The following VIPR1 variants were observed in gnomAD, a reference collection of about 807,000 sequenced individuals.
VIPR1 encodes the protein vasoactive intestinal polypeptide receptor 1.
Under a neutral mutation model 58.8 loss-of-function variants are expected in VIPR1, and 59 were observed. That is an observed-to-expected ratio of 1.00 (90% CI 0.81 to 1.25). The LOEUF is 1.25. Among genes scored for constraint, VIPR1 ranks in the 50% most tolerant of loss-of-function variants. The pLI, the probability that VIPR1 is intolerant of heterozygous loss-of-function variation, is 0.00. For synonymous variants in VIPR1, 251 were observed against 242.1 expected (o/e 1.04, Z -0.34); for missense variants, 626 against 602.7 (o/e 1.04, Z -0.40).
intron 1 of VIPR1, among the ~76,000 whole-genome samples, chr3:42,497,462 A>G (rs1699785413): frequency 6.6e-6 from 1 of 151,930 alleles, no homozygotes; most frequent in Non-Finnish European, 1.5e-5. Flanking sequence ...ACACACACAC[A>G]CGCACACACA....
At chr3:42,531,752 C>G (rs201226464) in intron 8 of VIPR1, 51 bp from the exon 9 acceptor site, 48 of 1,610,806 alleles carry the variant, frequency 3.0e-5, no homozygotes, top group Non-Finnish European at 4.0e-5. Context: ...GCTGCTGAGT[C>G]TCTCTCTGGC....
intron 1 of VIPR1, chr3:42,512,815 G>A (rs1430161459): frequency 1.1e-5 from 11 of 985,364 alleles, no homozygotes; most frequent in African/African-American, 1.7e-5. Context: ...AGCCAAAGAC[G>A]CAGAAGGTGC....
chr3:42,527,949 C>T (rs774275366), intron 5 of VIPR1, 42 bp from the exon 6 acceptor site: 1 of 1,600,820 alleles, frequency 6.2e-7, no homozygotes, highest in Non-Finnish European at 8.5e-7. Flanking sequence ...GGGTGGGGAT[C>T]CAAGGCCCCT....
intron 2 of VIPR1, chr3:42,516,609 G>A (rs1421080900): frequency 6.6e-6 from 1 of 152,264 alleles, no homozygotes; most frequent in Non-Finnish European, 1.5e-5. Flanking sequence ...CTGGCAGCCG[G>A]AGGTTTAGAG....
intron 5 of VIPR1, 118 bp downstream of exon 5, chr3:42,527,614 C>A: frequency 3.2e-6 from 3 of 946,544 alleles, no homozygotes; most frequent in Non-Finnish European, 4.9e-6. Context: ...CCCAGCAGCA[C>A]ATACTCCCCA....
At chr3:42,514,000 G>A in intron 2 of VIPR1, 146 bp downstream of exon 2, 3 of 884,202 alleles carry the variant, frequency 3.4e-6, no homozygotes, top group Non-Finnish European at 5.2e-6. Flanking sequence ...GAAGAAGAAA[G>A]GGGCTAACAG....
intron 6 of VIPR1, chr3:42,528,538 G>T: frequency 4.8e-6 from 1 of 207,136 alleles, no homozygotes. Context: ...CATAGCCAGG[G>T]CTCTGCTCAC....
At chr3:42,526,381 A>G (rs549589935) in intron 4 of VIPR1, among the ~76,000 whole-genome samples, 2 of 152,322 alleles carry the variant, frequency 1.3e-5, no homozygotes, top group South Asian at 2.1e-4. Flanking sequence ...CTTGGCTACC[A>G]AATAGCCAGT....
At chr3:42,517,938 T>C (rs970106246) in intron 2 of VIPR1, among the ~76,000 whole-genome samples, 15 of 152,022 alleles carry the variant, frequency 9.9e-5, no homozygotes, top group African/African-American at 3.6e-4. Context: ...ATCATGCCAT[T>C]GTACTCCAGC....
chr3:42,532,294 G>A lies in VIPR1; in HGVS notation c.971G>A (p.Arg324Gln), dbSNP rs545269544. The change falls in exon 10 of 13, where the codon CGG (arginine) becomes CAG (glutamine). Residue 324 changes from arginine to glutamine, a missense_variant. By Grantham distance (43) the Arg-to-Gln change is conservative. Coordinates refer to ENST00000325123, the MANE Select transcript of VIPR1 (RefSeq NM_004624.4). ...CIIRILLQKL[R>Q]PPDIRKSDSS... ...ATCCGAATCCTGCTTCAGAAACTGC[G>A]GCCCCCAGATATCAGGAAGAGTGAC... The A allele has an allele frequency of 1.6e-5, 26 of 1,614,044 alleles. No homozygotes were observed. Among genetic ancestry groups the A allele is most frequent in the Middle Eastern group, 1.6e-4 (1 of 6,062 alleles).
rs1327476656 is a variant in VIPR1 at position 42,502,751 on chromosome 3, C to T, written c.16C>T (p.Pro6Ser). MRPPS[P>S]LPARWLCVLA... ...AGGGCAGACCATGCGCCCGCCAAGT[C>T]CGCTGCCCGCCCGCTGGCTATGCGT... Residue 6 changes from proline (P) to serine (S), a missense_variant, in exon 1 of 13, where the codon CCG becomes TCG. By Grantham distance (74) the Pro-to-Ser change is moderately conservative (BLOSUM62 -1). Transcript: ENST00000325123. 7 of 1,308,990 alleles carry T rather than the reference C, an allele frequency of 5.3e-6. No individual in the cohort carries two copies. The highest frequency in any genetic ancestry group is 6.8e-6 in the Non-Finnish European group (7 of 1,031,944). 81.1% of individuals were successfully genotyped at this position (1,308,990 alleles called of 1,614,324 possible).
At chr3:42,528,342 GCTCAC>G in intron 6 of VIPR1, 1 of 641,880 alleles carries the variant, frequency 1.6e-6, no homozygotes, top group Non-Finnish European at 2.6e-6. Flanking sequence ...CCATCTGGGT[GCTCAC>G]AGACCTGCCG....
At chr3:42,508,898 CCT>C (rs1157749404) in intron 1 of VIPR1, 1 of 152,202 alleles carries the variant, frequency 6.6e-6, no homozygotes, top group Non-Finnish European at 1.5e-5. Flanking sequence ...CTCCATTCCC[CCT>C]GTGTCTCTTT....
chr3:42,530,439 T>G, intron 6 of VIPR1: 1 of 246,594 alleles, frequency 4.1e-6, no homozygotes, highest in Non-Finnish European at 8.0e-6. Flanking sequence ...ATGAGTGAGT[T>G]GATAGTGAAT....
intron 4 of VIPR1, 63 bp from the exon 5 acceptor site, chr3:42,527,330 C>T: frequency 1.3e-6 from 2 of 1,503,828 alleles, no homozygotes; most frequent in Non-Finnish European, 1.8e-6. Context: ...CCACCCCTGC[C>T]AATACCCCCT....
chr3:42,526,996 G>A (rs1015318987), intron 4 of VIPR1, among the ~76,000 whole-genome samples: 72 of 152,226 alleles, frequency 4.7e-4, no homozygotes, highest in African/African-American at 1.7e-3. Context: ...GGCCTCGAGG[G>A]GTGTCTGAAG....
At chr3:42,513,559 C>G in intron 1 of VIPR1, 190 bp from the exon 2 acceptor site, 1 of 572,402 alleles carries the variant, frequency 1.7e-6, no homozygotes, top group Non-Finnish European at 3.1e-6. Context: ...GTCCTCGGGG[C>G]CGACCCAGGT....
At chr3:42,531,723 G>T (rs938065422) in intron 8 of VIPR1, 80 bp from the exon 9 acceptor site, 2 of 1,591,886 alleles carry the variant, frequency 1.3e-6, no homozygotes, top group East Asian at 4.5e-5. Context: ...GAGCAGAGCT[G>T]GGGACAACTG....
chr3:42,511,988 GT>G (rs1700383057), intron 1 of VIPR1: 1 of 152,210 alleles, frequency 6.6e-6, no homozygotes, highest in Non-Finnish European at 1.5e-5. Flanking sequence ...TCTTTTAACA[GT>G]TATACGAGTA....
Sources: gnomAD v4.1 joint callset for allele counts (sites outside exome capture counted in the v4.1 genomes callset) on GRCh38, gnomAD v4.1.1 for gene constraint, MANE v1.5 for transcripts, NCBI Gene and HGNC (gene_info 2026-07-23, HGNC 2026-07-21) for gene names.